TENM3: variants seen among roughly 807,000 people sequenced by gnomAD.
The protein encoded by TENM3 is teneurin transmembrane protein 3.
A neutral mutation model predicts 255.1 loss-of-function variants in TENM3; 63 were observed. That is an observed-to-expected ratio of 0.25 (90% CI 0.20 to 0.30). The LOEUF (loss-of-function observed/expected upper bound fraction) is 0.30. Ranked by LOEUF, TENM3 falls within the 10% of genes least tolerant of loss-of-function variation. The pLI is 1.00. For synonymous variants in TENM3, 1,306 were observed against 1,322.3 expected (o/e 0.99, Z 0.27); for missense variants, 2,929 against 3,461.1 (o/e 0.85, Z 3.86).
the TENM3 span, among the ~76,000 whole-genome samples, chr4:181,793,411 G>T: frequency 2.5e-4 from 38 of 152,252 alleles, no homozygotes; most frequent in African/African-American, 2.9e-4. Context: ...ATGTCAGCCT[G>T]ATTTTAGGGC....
intron 3 of TENM3, among the ~76,000 whole-genome samples, chr4:182,573,714 A>C (rs751221866): frequency 5.3e-5 from 8 of 152,226 alleles, no homozygotes; most frequent in Non-Finnish European, 8.8e-5. Context: ...GGGAATACTG[A>C]AGCTTTATAT....
the TENM3 span, among the ~76,000 whole-genome samples, chr4:181,663,210 C>A: frequency 6.6e-5 from 10 of 152,104 alleles, no homozygotes; most frequent in Non-Finnish European, 1.5e-4. Flanking sequence ...AGGCAATATT[C>A]CATGTGGAAC....
the TENM3 span, among the ~76,000 whole-genome samples, chr4:181,448,061 G>A: frequency 0.13 from 19,458 of 150,468 alleles, 1,418 homozygotes; most frequent in East Asian, 0.28. Flanking sequence ...GTGATTTTGT[G>A]TGTCTTCAAC....
At chr4:181,589,135 C>T in the TENM3 span, among the ~76,000 whole-genome samples, 6 of 152,182 alleles carry the variant, frequency 3.9e-5, no homozygotes. Flanking sequence ...AGGCAACCAT[C>T]TGTCTTAAAT....
chr4:181,449,274 T>C, the TENM3 span, among the ~76,000 whole-genome samples: 1 of 152,178 alleles, frequency 6.6e-6, no homozygotes, highest in Admixed American at 6.5e-5. Context: ...CTATGATATA[T>C]ATCATTTTTC....
chr4:182,215,592 G>T (rs2149922237), intron 1 of TENM3, among the ~76,000 whole-genome samples: 1 of 152,254 alleles, frequency 6.6e-6, no homozygotes, highest in South Asian at 2.1e-4. Flanking sequence ...TGGCAAATTG[G>T]AATCAATTAT....
intron 3 of TENM3, among the ~76,000 whole-genome samples, chr4:182,396,393 C>G (rs1355281724): frequency 1.3e-5 from 2 of 152,270 alleles, no homozygotes; most frequent in Non-Finnish European, 2.9e-5. Flanking sequence ...TTATTGAAAT[C>G]CTCTGCTCCT....
chr4:182,100,680 C>CACATATATACACATATATACACATATAT, the TENM3 span, among the ~76,000 whole-genome samples: 1 of 27,776 alleles, frequency 3.6e-5, no homozygotes, highest in African/African-American at 9.5e-5. Flanking sequence ...CATATATATA[C>CACATATATACACATATATACACATATAT]ACACATATAT....
At chr4:181,571,218 G>C in the TENM3 span, among the ~76,000 whole-genome samples, 1 of 152,154 alleles carries the variant, frequency 6.6e-6, no homozygotes, top group Non-Finnish European at 1.5e-5. Context: ...CGGGAAAGTA[G>C]AAAGGAAAGG....
chr4:182,319,778 A>G (rs1229396011), intron 1 of TENM3, among the ~76,000 whole-genome samples: 1 of 152,268 alleles, frequency 6.6e-6, no homozygotes, highest in Non-Finnish European at 1.5e-5. Context: ...AAATGGTATC[A>G]TGAAAATGAT....
the TENM3 span, among the ~76,000 whole-genome samples, chr4:181,565,074 A>G: frequency 6.6e-6 from 1 of 152,232 alleles, no homozygotes; most frequent in Non-Finnish European, 1.5e-5. Context: ...ATTTGTGAAT[A>G]TGTCACTTTG....
rs111267417 is a variant in TENM3 at position 182,501,313 on chromosome 4, A to G, written c.512-99611A>G. Among the ~76,000 whole-genome samples, 241 of 151,320 alleles carry G rather than the reference A, an allele frequency of 1.6e-3. 1 individual carries two copies. The highest frequency in any genetic ancestry group is 5.5e-3 in the African/African-American group (225 of 41,248). On this transcript the variant is annotated intron_variant, in intron 3 of 27. Coordinates refer to ENST00000511685, the MANE Select transcript of TENM3 (RefSeq NM_001080477.4). ...TAAGAAATGTAAAATGAAAAGAGAA[A>G]AATTTAGAGTTCAAAAGTGCTCTTG...
At chr4:181,747,316 C>T in the TENM3 span, among the ~76,000 whole-genome samples, 3 of 151,924 alleles carry the variant, frequency 2.0e-5, no homozygotes, top group Non-Finnish European at 4.4e-5. Flanking sequence ...CTATAAATTG[C>T]CTTTCTTAAA....
the TENM3 span, among the ~76,000 whole-genome samples, chr4:182,080,716 G>A: frequency 6.6e-6 from 1 of 152,318 alleles, no homozygotes; most frequent in Middle Eastern, 3.4e-3. Context: ...GGCAGGCCCA[G>A]CATGGTGGCT....
chr4:182,171,599 G>A (rs1752110779), intron 1 of TENM3, among the ~76,000 whole-genome samples: 3 of 152,084 alleles, frequency 2.0e-5, no homozygotes, highest in Admixed American at 6.5e-5. Context: ...AGTCTCTTGG[G>A]TAGTTATTTT....
the TENM3 span, among the ~76,000 whole-genome samples, chr4:181,531,464 A>G: frequency 6.6e-6 from 1 of 152,064 alleles, no homozygotes; most frequent in Non-Finnish European, 1.5e-5. Context: ...TGTTCTTTCT[A>G]CCCTCTGGAA....
At chr4:181,722,503 G>C in the TENM3 span, among the ~76,000 whole-genome samples, 1 of 152,184 alleles carries the variant, frequency 6.6e-6, no homozygotes, top group African/African-American at 2.4e-5. Flanking sequence ...TAAAGGAAAA[G>C]AAAAGGAAGT....
intron 1 of TENM3, among the ~76,000 whole-genome samples, chr4:182,271,109 T>C (rs1470581244): frequency 6.6e-6 from 1 of 152,222 alleles, no homozygotes; most frequent in Non-Finnish European, 1.5e-5. Flanking sequence ...GTTCAGGACA[T>C]AGAAATTCCT....
At chr4:182,278,264 G>A (rs1178934081) in intron 1 of TENM3, among the ~76,000 whole-genome samples, 1 of 152,148 alleles carries the variant, frequency 6.6e-6, no homozygotes, top group Non-Finnish European at 1.5e-5. Flanking sequence ...CTACTCGGGA[G>A]GCTGAGGCAG....
Sources: allele counts gnomAD v4.1 joint callset (sites outside exome capture counted in the v4.1 genomes callset), GRCh38; gene constraint gnomAD v4.1.1; transcripts MANE v1.5; gene names NCBI Gene and HGNC (gene_info 2026-07-23, HGNC 2026-07-21).